THSD4: variants seen among roughly 807,000 people sequenced by gnomAD.
THSD4 encodes the protein thrombospondin type 1 domain containing 4.
Under a neutral mutation model 119.0 loss-of-function variants are expected in THSD4, and 69 were observed. The ratio of observed to expected loss-of-function variants is 0.58; its 90% confidence interval spans 0.48 to 0.71. The LOEUF is 0.71. Ranked by LOEUF, THSD4 falls within the 30% of genes least tolerant of loss-of-function variation. The probability of loss-of-function intolerance (pLI) is 0.00; values close to 1 mark genes in which losing one functional copy is unlikely to be tolerated. For missense variants in THSD4, 1,393 were observed against 1,391.1 expected (o/e 1.00, Z -0.02); for synonymous variants, 524 against 540.4 (o/e 0.97, Z 0.42).
chr15:71,547,025 C>T (rs931565767), intron 7 of THSD4, among the ~76,000 whole-genome samples: 2 of 152,180 alleles, frequency 1.3e-5, no homozygotes, highest in African/African-American at 2.4e-5. Context: ...CCTCAGTGGA[C>T]GAGGTAGGGG....
intron 6 of THSD4, among the ~76,000 whole-genome samples, chr15:71,293,759 G>A (rs376464608): frequency 6.6e-6 from 1 of 152,146 alleles, no homozygotes; most frequent in South Asian, 2.1e-4. Context: ...AGGTTAAAAC[G>A]TTTTAAAATT....
chr15:71,234,680 A>G (rs1756038002), intron 4 of THSD4, among the ~76,000 whole-genome samples: 1 of 152,154 alleles, frequency 6.6e-6, no homozygotes, highest in Non-Finnish European at 1.5e-5. Context: ...TGTAAGCTCT[A>G]CCTCTGCCTA....
chr15:71,662,530 T>A (rs1222993765), intron 8 of THSD4, among the ~76,000 whole-genome samples: 1 of 152,222 alleles, frequency 6.6e-6, no homozygotes, highest in Admixed American at 6.5e-5. Context: ...ATTTGAATTG[T>A]GATTGTGTTC....
intron 6 of THSD4, among the ~76,000 whole-genome samples, chr15:71,404,418 T>C (rs1171868662): frequency 6.6e-6 from 1 of 152,258 alleles, no homozygotes; most frequent in Admixed American, 6.5e-5. Context: ...CATATATCCA[T>C]ACTTTAATGC....
At chr15:71,212,584 A>G (rs1389220343) in intron 3 of THSD4, among the ~76,000 whole-genome samples, 5 of 152,224 alleles carry the variant, frequency 3.3e-5, no homozygotes, top group East Asian at 1.9e-4. Context: ...GTTTATCCCA[A>G]TGATCCTTCC....
chr15:71,765,255 C>T (rs1323948367), intron 16 of THSD4, 56 bp downstream of exon 16: 7 of 1,562,164 alleles, frequency 4.5e-6, no homozygotes, highest in Non-Finnish European at 6.1e-6. Context: ...CCCACCTGAA[C>T]TCCTATAGAC....
intron 7 of THSD4, among the ~76,000 whole-genome samples, chr15:71,417,342 T>C (rs1243599997): frequency 9.2e-6 from 1 of 108,312 alleles, no homozygotes; most frequent in East Asian, 3.1e-4. Flanking sequence ...CCCCAATGTT[T>C]TCTTGTAGTA....
intron 14 of THSD4, among the ~76,000 whole-genome samples, chr15:71,748,805 T>C (rs749644754): frequency 2.0e-5 from 3 of 152,208 alleles, no homozygotes; most frequent in Non-Finnish European, 4.4e-5. Context: ...CAAAACTTGA[T>C]TGAATTCTCC....
chr15:71,420,974 C>T lies in THSD4; in HGVS notation c.1152+9151C>T, dbSNP rs147855892. Among the ~76,000 whole-genome samples the T allele has an allele frequency of 4.3e-4, 44 of 101,708 alleles. 14 individuals carry two copies. Among genetic ancestry groups the T allele is most frequent in the Non-Finnish European group, 7.8e-4 (37 of 47,290 alleles). 66.7% of individuals were successfully genotyped at this position (101,708 alleles called of 152,430 possible). ...TCACTTGTGGTCAGTTCAAGACCAG[C>T]CTGGTCAACATGGTGAAACCCCATC... On this transcript the variant is annotated intron_variant, in intron 7 of 17. Transcript: ENST00000261862.
At chr15:71,456,556 C>T (rs908140642) in intron 7 of THSD4, among the ~76,000 whole-genome samples, 4 of 152,146 alleles carry the variant, frequency 2.6e-5, no homozygotes, top group African/African-American at 9.7e-5. Flanking sequence ...AACTGAGGTA[C>T]ATAGCAGTTT....
At chr15:71,439,706 C>T (rs1399219561) in intron 7 of THSD4, among the ~76,000 whole-genome samples, 1 of 152,152 alleles carries the variant, frequency 6.6e-6, no homozygotes, top group Non-Finnish European at 1.5e-5. Context: ...AGTTCATGTC[C>T]TTTGCAGGGA....
intron 6 of THSD4, among the ~76,000 whole-genome samples, chr15:71,260,810 G>T (rs903413630): frequency 5.9e-5 from 9 of 152,148 alleles, no homozygotes; most frequent in South Asian, 2.1e-4. Flanking sequence ...TTTATTAAAG[G>T]TACCCCTAGG....
intron 6 of THSD4, among the ~76,000 whole-genome samples, chr15:71,331,926 C>T (rs1435969875): frequency 6.6e-6 from 1 of 150,800 alleles, no homozygotes; most frequent in Admixed American, 6.7e-5. Context: ...TTCCAGGAAG[C>T]AGACATCAAG....
intron 7 of THSD4, chr15:71,547,533 A>C (rs913019269): frequency 1.9e-5 from 30 of 1,543,532 alleles, no homozygotes; most frequent in Middle Eastern, 2.0e-4. Context: ...TCAGCATTAT[A>C]TTTCCTCTTC....
At chr15:71,731,269 C>A in intron 10 of THSD4, 52 bp downstream of exon 10, 1 of 1,537,178 alleles carries the variant, frequency 6.5e-7, no homozygotes, top group Non-Finnish European at 9.0e-7. Flanking sequence ...CTTGTAAAGC[C>A]TTCTCTCTCT....
At chr15:71,746,262 T>C (rs1173627549) in intron 12 of THSD4, among the ~76,000 whole-genome samples, 1 of 152,188 alleles carries the variant, frequency 6.6e-6, no homozygotes, top group Non-Finnish European at 1.5e-5. Context: ...AAAAATCATT[T>C]GTACGTTTTC....
At chr15:71,225,689 C>T (rs1158602193) in intron 4 of THSD4, among the ~76,000 whole-genome samples, 1 of 151,792 alleles carries the variant, frequency 6.6e-6, no homozygotes, top group Admixed American at 6.6e-5. Context: ...ACTACAGGCA[C>T]GTGCCACCAC....
chr15:71,336,173 A>C (rs2045487613), intron 6 of THSD4, among the ~76,000 whole-genome samples: 1 of 152,214 alleles, frequency 6.6e-6, no homozygotes, highest in African/African-American at 2.4e-5. Context: ...AAGCTTCTAG[A>C]ATGTTTTTAA....
At chr15:71,774,262 G>T (rs556907366) in intron 17 of THSD4, among the ~76,000 whole-genome samples, 1 of 147,216 alleles carries the variant, frequency 6.8e-6, no homozygotes, top group African/African-American at 2.6e-5. Flanking sequence ...AGTGAGCCAT[G>T]ATCGCACTAC....
Sources: allele counts gnomAD v4.1 joint callset (sites outside exome capture counted in the v4.1 genomes callset), GRCh38; gene constraint gnomAD v4.1.1; transcripts MANE v1.5; gene names NCBI Gene and HGNC (gene_info 2026-07-23, HGNC 2026-07-21).